ZNF565: variants seen among roughly 807,000 people sequenced by gnomAD.
The protein encoded by ZNF565 is zinc finger protein 565.
Under a neutral mutation model 39.4 loss-of-function variants are expected in ZNF565, and 27 were observed. That is an observed-to-expected ratio of 0.69 (90% CI 0.51 to 0.95). ZNF565 has a LOEUF of 0.95. Among genes scored for constraint, ZNF565 ranks in the 40% least tolerant of loss-of-function variants. The pLI, the probability that ZNF565 is intolerant of heterozygous loss-of-function variation, is 0.00. For missense variants in ZNF565, 524 were observed against 621.1 expected, an observed-to-expected ratio of 0.84 and a Z score of 1.66; for synonymous variants, 185 against 216.6, an observed-to-expected ratio of 0.85 and a Z score of 1.28.
chr19:36,202,218 T>C (rs1013838787), intron 1 of ZNF565, among the ~76,000 whole-genome samples, 168 bp from the exon 2 acceptor site: 4 of 151,864 alleles, frequency 2.6e-5, no homozygotes, highest in Non-Finnish European at 5.9e-5. Flanking sequence ...AACTACAGAG[T>C]TGGCCAGGCA....
At chr19:36,192,855 C>T (rs923871102) in intron 4 of ZNF565, among the ~76,000 whole-genome samples, 3 of 151,530 alleles carry the variant, frequency 2.0e-5, no homozygotes, top group Non-Finnish European at 2.9e-5. Flanking sequence ...TCACTTTTGT[C>T]GCTCAGGCTG....
chr19:36,226,101 G>C (rs1977055726), intron 1 of ZNF565, among the ~76,000 whole-genome samples: 1 of 152,150 alleles, frequency 6.6e-6, no homozygotes, highest in South Asian at 2.1e-4. Flanking sequence ...GTCTTCAGCA[G>C]CAGTAATAGT....
At chr19:36,214,187 C>T (rs949167880) in intron 1 of ZNF565, among the ~76,000 whole-genome samples, 5 of 151,684 alleles carry the variant, frequency 3.3e-5, no homozygotes, top group African/African-American at 1.2e-4. Flanking sequence ...TACAGGAATA[C>T]ACAAGCGGCG....
intron 3 of ZNF565, chr19:36,194,754 C>CT: frequency 1.8e-6 from 1 of 555,632 alleles, no homozygotes; most frequent in Non-Finnish European, 3.2e-6. Flanking sequence ...TTCTCATTGG[C>CT]TTTGGCAGAC....
chr19:36,218,519 G>T (rs1976706578), upstream of ZNF565, among the ~76,000 whole-genome samples: 1 of 151,300 alleles, frequency 6.6e-6, no homozygotes, highest in Admixed American at 6.6e-5. Context: ...AGGCTGCAGT[G>T]CAGTGGCCTG....
chr19:36,188,380 GAA>G (rs557660999), intron 4 of ZNF565, among the ~76,000 whole-genome samples: 2 of 146,490 alleles, frequency 1.4e-5, no homozygotes, highest in South Asian at 2.4e-4. Context: ...AAGAGAGAGA[GAA>G]AAAAAAATTA....
chr19:36,217,153 C>T (rs570210095), upstream of ZNF565, among the ~76,000 whole-genome samples: 2 of 147,066 alleles, frequency 1.4e-5, no homozygotes, highest in Non-Finnish European at 3.0e-5. Context: ...ACCTCTGCCC[C>T]CCAGGTTCAA....
At chr19:36,217,576 T>C (rs1413473590), upstream of ZNF565, among the ~76,000 whole-genome samples, 4 of 152,068 alleles carry the variant, frequency 2.6e-5, no homozygotes, top group Non-Finnish European at 5.9e-5. Flanking sequence ...ATGTAGAGTA[T>C]GATACACGAT....
At chr19:36,239,482 T>C (rs779808179) in intron 1 of ZNF565, among the ~76,000 whole-genome samples, 8 of 151,742 alleles carry the variant, frequency 5.3e-5, no homozygotes, top group Non-Finnish European at 1.5e-5. Context: ...ACCACTATGC[T>C]GTGCCAATTA....
intron 1 of ZNF565, among the ~76,000 whole-genome samples, chr19:36,229,988 G>A (rs1386167989): frequency 1.3e-5 from 2 of 152,156 alleles, no homozygotes; most frequent in African/African-American, 2.4e-5. Flanking sequence ...TCAAAGTGCT[G>A]GGATTACAGG....
chr19:36,209,561 G>A (rs977729456), intron 1 of ZNF565, among the ~76,000 whole-genome samples: 4 of 137,414 alleles, frequency 2.9e-5, no homozygotes, highest in Non-Finnish European at 4.6e-5. Flanking sequence ...GGGATTGGGA[G>A]AGAAGAAATG....
At chr19:36,200,004 C>T (rs1388621143) in intron 2 of ZNF565, among the ~76,000 whole-genome samples, 2 of 151,644 alleles carry the variant, frequency 1.3e-5, no homozygotes, top group African/African-American at 4.8e-5. Flanking sequence ...ATTTTCCCAC[C>T]TTAGAAATTA....
intron 1 of ZNF565, among the ~76,000 whole-genome samples, chr19:36,204,866 G>A (rs921470921): frequency 1.7e-4 from 26 of 151,894 alleles, no homozygotes; most frequent in Middle Eastern, 3.4e-3. Flanking sequence ...GGTGCGTGCC[G>A]GTATCCAGCT....
intron 1 of ZNF565, chr19:36,236,379 T>C (rs967231397): frequency 4.6e-6 from 7 of 1,530,450 alleles, no homozygotes; most frequent in Non-Finnish European, 6.1e-6. Context: ...AAGTAAATCC[T>C]CACTCATCAA....
chr19:36,239,491 T>TA (rs202149693), intron 1 of ZNF565, among the ~76,000 whole-genome samples: 2,425 of 146,078 alleles, frequency 0.017, 58 homozygotes, highest in African/African-American at 0.052. Flanking sequence ...CTGTGCCAAT[T>TA]AAAAAAAAAA....
At chr19:36,214,209 TCACAGG>T (rs935342958) in intron 1 of ZNF565, among the ~76,000 whole-genome samples, 54 of 151,572 alleles carry the variant, frequency 3.6e-4, no homozygotes, top group African/African-American at 1.3e-3. Flanking sequence ...CACCACACAG[TCACAGG>T]CACAGGCAAT....
chr19:36,231,262 T>C (rs1977354957), intron 1 of ZNF565, among the ~76,000 whole-genome samples: 1 of 152,086 alleles, frequency 6.6e-6, no homozygotes, highest in South Asian at 2.1e-4. Context: ...CAGGTTGGAG[T>C]GCGGTGGTGC....
At chr19:36,219,826 TC>T in intron 1 of ZNF565, among the ~76,000 whole-genome samples, 1 of 152,340 alleles carries the variant, frequency 6.6e-6, no homozygotes, top group South Asian at 2.1e-4. Context: ...AAGAGAAACT[TC>T]TGGGAACAAA....
intron 1 of ZNF565, among the ~76,000 whole-genome samples, chr19:36,220,487 C>T (rs1198790312): frequency 6.6e-6 from 1 of 152,058 alleles, no homozygotes; most frequent in Non-Finnish European, 1.5e-5. Context: ...GCTTCAGCCT[C>T]CCGAGTAGCT....
Sources: allele counts gnomAD v4.1 joint callset (sites outside exome capture counted in the v4.1 genomes callset), GRCh38; gene constraint gnomAD v4.1.1; transcripts MANE v1.5; gene names NCBI Gene and HGNC (gene_info 2026-07-23, HGNC 2026-07-21).